Variants in ANKLE2 observed in about 807,000 individuals in gnomAD.
ANKLE2 encodes the protein ankyrin repeat and LEM domain-containing protein 2.
ANKLE2 carries 55 observed loss-of-function variants against 84.2 expected under a neutral mutation model. The ratio of observed to expected loss-of-function variants is 0.65; its 90% CI spans 0.53 to 0.82. The LOEUF (loss-of-function observed/expected upper bound fraction) is 0.82, where lower values mean the gene tolerates loss of function less well. Ranked by LOEUF, ANKLE2 falls within the 40% of genes least tolerant of loss-of-function variation. The probability of loss-of-function intolerance (pLI) is 0.00; values close to 1 mark genes in which losing one functional copy is unlikely to be tolerated. For synonymous variants in ANKLE2, 551 were observed against 486.1 expected, an observed-to-expected ratio of 1.13 and a Z score of -1.76; for missense variants, 1,238 against 1,201.9, an observed-to-expected ratio of 1.03 and a Z score of -0.44.
Position 132,743,220 on chromosome 12 carries a change from G to T in ANKLE2, c.1287C>A (p.Asn429Lys), listed in dbSNP as rs552198976. Reference protein sequence around the residue: ...ACKFGNADVVNVLSSHHLIVK... With the variant: ...ACKFGNADVVKVLSSHHLIVK... ...CAATCAAATGGTGTGACGAAAGCAC[G>T]TTGACTACATCTGCATTTCCAAACT... Residue 429 changes from asparagine to lysine, a missense_variant, in exon 6 of 13, where the codon AAC (asparagine) becomes AAA (lysine). Transcript: ENST00000357997. This position sits in a 1 kb window ranked among gnomAD's most constrained non-coding sequence, Gnocchi z 4.1. 1 of 1,611,962 alleles carries T rather than the reference G, an allele frequency of 6.2e-7. No homozygotes were observed. Among genetic ancestry groups the T allele is most frequent in the South Asian group, 1.1e-5 (1 of 90,456 alleles).
rs1284655606 is a variant in ANKLE2, at chr12:132,730,145, T to C, written c.2017A>G (p.Arg673Gly). The C allele has an allele frequency of 2.5e-6, 4 of 1,612,072 alleles. No homozygotes were observed. Among genetic ancestry groups the C allele is most frequent in the Non-Finnish European group, 3.4e-6 (4 of 1,179,528 alleles). Reference protein sequence around the residue: ...PPTVGAFGHTRCSAFPLEQEA... With the variant: ...PPTVGAFGHTGCSAFPLEQEA... ...TGCTCCAAGGGGAAGGCGCTGCACC[T>C]CGTATGTCCAAAAGCACCGACTGTG... is the stretch of plus-strand genomic sequence containing the variant. Residue 673 changes from arginine to glycine, a missense_variant, in exon 11 of 13, where the codon AGG becomes GGG. Around this residue, in one of 3 missense-constraint regions of ANKLE2, gnomAD observed 802 missense variants for 774.5 expected, o/e 1.04. Coordinates refer to ENST00000357997, the MANE Select transcript of ANKLE2 (RefSeq NM_015114.3).
intron 1 of ANKLE2, chr12:132,755,428 C>A (rs1593182808): frequency 8.1e-6 from 2 of 246,220 alleles, no homozygotes; most frequent in Non-Finnish European, 1.6e-5. Context: ...GCCTGTAATC[C>A]CAGCTACTTG....
intron 10 of ANKLE2, chr12:132,734,053 C>T (rs117185207): frequency 0.025 from 11,888 of 466,352 alleles, 265 homozygotes; most frequent in Admixed American, 0.055. Flanking sequence ...CTGGTCAATA[C>T]GGTGAAACCG....
Position 132,747,867 on chromosome 12 carries a change from C to G in ANKLE2, c.1195G>C (p.Val399Leu). The G allele has an allele frequency of 6.2e-7, 1 of 1,610,760 alleles. No individual in the cohort carries two copies. Among genetic ancestry groups the G allele is most frequent in the South Asian group, 1.1e-5 (1 of 90,566 alleles). ...GGGGTGTTGAGGTACAGGTCCACCACGTAACGGATACGCTTCTGCAGCATG... is the reference window on the plus strand; with the variant it reads ...GGGGTGTTGAGGTACAGGTCCACCAGGTAACGGATACGCTTCTGCAGCATG... ...EAMLQKRIRYVVDLYLNTPDK... is the reference protein window; with the variant it reads ...EAMLQKRIRYLVDLYLNTPDK... The change falls in exon 5 of 13, where the codon GTG becomes CTG. Residue 399 changes from valine to leucine, a missense_variant. Physicochemically the swap from Val to Leu is conservative, Grantham distance 32. Transcript: ENST00000357997.
At position 132,726,234 on chromosome 12, in the gene ANKLE2, T is replaced by G. The variant is rs1348986950; in HGVS notation, c.*1008A>C. 1.3e-5 allele frequency: 2 copies of G among 153,724 alleles called. No individual in the cohort carries two copies. Among genetic ancestry groups the G allele is most frequent in the Admixed American group, 1.3e-4 (2 of 15,266 alleles). 9.5% of individuals were successfully genotyped at this position (153,724 alleles called of 1,614,324 possible). A position where few individuals can be genotyped will look rare whatever the true frequency, so the allele number is the denominator to read the frequency against. ...AGCACCTCCTGAACACCTCAGCGGC[T>G]CCTCACACATTCCAACCACAGACCT... On this transcript the variant is annotated 3_prime_UTR_variant, in exon 13 of 13. Transcript: ENST00000357997.
At chr12:132,737,201 T>C in intron 7 of ANKLE2, 136 bp from the exon 8 acceptor site, 2 of 915,070 alleles carry the variant, frequency 2.2e-6, no homozygotes, top group African/African-American at 1.7e-5. Flanking sequence ...AGAGGGTGGT[T>C]TCCGCCAGAG....
rs748625524 is a variant in ANKLE2 at position 132,743,505 on chromosome 12, A to ATT, written c.1231-231_1231-230dup. On this transcript the variant is annotated intron_variant, in intron 5 of 12. Transcript: ENST00000357997. This position sits in a 1 kb window ranked among gnomAD's most constrained non-coding sequence, Gnocchi z 4.1. ...CAGGCACCCGCCACCACACCCAGCT[A>ATT]TTTTTTTTTTTTTTTTAATATTTAG... Among the ~76,000 whole-genome samples the ATT allele has an allele frequency of 6.0e-5, 8 of 132,844 alleles. No homozygotes were observed. Among genetic ancestry groups the ATT allele is most frequent in the African/African-American group, 1.1e-4 (4 of 36,242 alleles). 87.2% of individuals were successfully genotyped at this position (132,844 alleles called of 152,430 possible).
At chr12:132,732,975 T>C (rs1269788129) in intron 10 of ANKLE2, among the ~76,000 whole-genome samples, 247 of 86,868 alleles carry the variant, frequency 2.8e-3, no homozygotes, top group East Asian at 4.2e-3. Context: ...TGAAATACAC[T>C]GTGTGAAGCG....
Position 132,743,428 on chromosome 12 carries a change from C to A in ANKLE2, c.1231-152G>T, listed in dbSNP as rs2044171539. 9.6e-7 allele frequency: 1 copy of A among 1,041,250 alleles called. No individual in the cohort carries two copies. The allele number at this position is 1,041,250 out of a possible 1,614,324, so 64.5% of individuals were successfully genotyped here. ...GATCTTGGCTCACTGCAACCTCTGC[C>A]TCCCGGGTTTAACCGATTCTCCTGC... On this transcript the variant is annotated intron_variant, in intron 5 of 12. Transcript: ENST00000357997. This position sits in a 1 kb window ranked among gnomAD's most constrained non-coding sequence, Gnocchi z 4.1.
chr12:132,734,469 G>A lies in ANKLE2; in HGVS notation c.1807C>T (p.Leu603Phe), dbSNP rs201330179. The change falls in exon 10 of 13, where the codon CTC (leucine) becomes TTC (phenylalanine). Residue 603 changes from leucine to phenylalanine, a missense_variant. Physicochemically the swap from Leu to Phe is conservative, Grantham distance 22 (BLOSUM62 0). This residue lies in a region of ANKLE2 where 802 missense variants were observed against 774.5 expected (regional missense o/e 1.04). Coordinates refer to ENST00000357997, the MANE Select transcript of ANKLE2 (RefSeq NM_015114.3). ...QEGLQRLEEY[L>F]TQQEIGKKAQ... The stretch of plus-strand genomic sequence containing the variant: ...TTTTTGCCTATTTCCTGCTGTGTGA[G>A]ATATTCTTCTAGTCTTTGCAGGCCT... 194 of 1,614,112 alleles carry A rather than the reference G, an allele frequency of 1.2e-4. No homozygotes were observed. In the East Asian group the frequency reaches 1.7e-3, roughly 14 times the overall value.
intron 2 of ANKLE2, among the ~76,000 whole-genome samples, chr12:132,752,343 A>G (rs1415276910): frequency 1.3e-5 from 2 of 152,102 alleles, no homozygotes; most frequent in African/African-American, 4.8e-5. Context: ...TGTCTCAAAT[A>G]ATAAGTAAAT....
chr12:132,746,654 T>G (rs1166941327), intron 5 of ANKLE2, among the ~76,000 whole-genome samples: 1 of 152,144 alleles, frequency 6.6e-6, no homozygotes, highest in African/African-American at 2.4e-5. Context: ...AAATCGAAAT[T>G]AGGCAAAGCA....
At chr12:132,757,063 G>C (rs1365203187) in intron 1 of ANKLE2, 1 of 152,224 alleles carries the variant, frequency 6.6e-6, no homozygotes, top group Non-Finnish European at 1.5e-5. Context: ...GTAACACAGG[G>C]GAAGCTAACC....
At chr12:132,749,868 T>G (rs927922732) in intron 3 of ANKLE2, among the ~76,000 whole-genome samples, 12 of 152,088 alleles carry the variant, frequency 7.9e-5, no homozygotes, top group African/African-American at 2.9e-4. Flanking sequence ...GGTGGGGAAG[T>G]AGACTGGTTT....
intron 10 of ANKLE2, chr12:132,730,607 G>A (rs1301804940): frequency 2.3e-5 from 7 of 309,474 alleles, no homozygotes; most frequent in Non-Finnish European, 4.3e-5. Context: ...GGGGTCGCTG[G>A]ACCCCAGGAG....
rs948348931 is a variant in ANKLE2 at position 132,725,880 on chromosome 12, C to A, written c.*1362G>T. On this transcript the variant is annotated 3_prime_UTR_variant, in exon 13 of 13. Transcript: ENST00000357997. Reference sequence around the variant, plus strand: ...GTCTGCTACAAAACAAATGAACACACCCTGTGTAACAAAATCGAATTTTAA... The same window carrying A: ...GTCTGCTACAAAACAAATGAACACAACCTGTGTAACAAAATCGAATTTTAA... The A allele has an allele frequency of 3.9e-5, 6 of 152,198 alleles. No homozygotes were observed. The highest frequency in any genetic ancestry group is 8.8e-5 in the Non-Finnish European group (6 of 68,040). 9.4% of individuals were successfully genotyped at this position (152,198 alleles called of 1,614,324 possible). A position where few individuals can be genotyped will look rare whatever the true frequency, so the allele number is the denominator to read the frequency against.
At chr12:132,749,701 G>A (rs879010790) in intron 3 of ANKLE2, among the ~76,000 whole-genome samples, 1 of 152,206 alleles carries the variant, frequency 6.6e-6, no homozygotes, top group Non-Finnish European at 1.5e-5. Flanking sequence ...AGGTAAAGGC[G>A]GAGGTTCTAC....
chr12:132,727,349 C>A lies in ANKLE2; in HGVS notation c.2710G>T (p.Gly904Ter). 1 of 1,561,660 alleles carries A rather than the reference C, an allele frequency of 6.4e-7. No individual in the cohort carries two copies. The highest frequency in any genetic ancestry group is 2.4e-5 in the East Asian group (1 of 41,904). The change falls in exon 13 of 13, where the codon GGA becomes TGA. Residue 904 changes from glycine (G) to a stop codon, truncating the protein, a stop_gained. Coordinates refer to ENST00000357997, the MANE Select transcript of ANKLE2 (RefSeq NM_015114.3). LOFTEE classifies it low-confidence loss of function (END_TRUNC). ...SYSPGRNSVAGSNPAKPGLGS... is the reference protein window; with the variant it reads ...SYSPGRNSVA ...AGGCCTGGCTTTGCGGGGTTGCTTCCAGCCACGCTGTTTCTCCCCGGACTG... is the reference window on the plus strand; with the variant it reads ...AGGCCTGGCTTTGCGGGGTTGCTTCAAGCCACGCTGTTTCTCCCCGGACTG...
At chr12:132,733,562 C>G (rs1398539133) in intron 10 of ANKLE2, among the ~76,000 whole-genome samples, 3 of 148,416 alleles carry the variant, frequency 2.0e-5, no homozygotes, top group Non-Finnish European at 1.5e-5. Context: ...CGCTCTGCAT[C>G]CTGGTGTCTG....
Sources: allele counts gnomAD v4.1 joint callset (sites outside exome capture counted in the v4.1 genomes callset), GRCh38; gene constraint gnomAD v4.1.1; regional missense constraint gnomAD v4.1.1; non-coding constraint Gnocchi (gnomAD v3.1); transcripts MANE v1.5; gene names NCBI Gene and HGNC (gene_info 2026-07-23, HGNC 2026-07-21).